The following TMEM87B variants were observed in gnomAD, a reference collection of about 807,000 sequenced individuals.
TMEM87B encodes the protein transmembrane protein 87B.
In TMEM87B, 83 loss-of-function variants were observed where a neutral mutation model predicts 80.3. The ratio of observed to expected loss-of-function variants is 1.03; its 90% CI spans 0.87 to 1.24. The LOEUF is 1.24. Among genes scored for constraint, TMEM87B ranks in the 50% most tolerant of loss-of-function variants. The probability of loss-of-function intolerance (pLI) is 0.00; values close to 1 mark genes in which losing one functional copy is unlikely to be tolerated. For missense variants in TMEM87B, 625 were observed against 674.4 expected, an observed-to-expected ratio of 0.93 and a Z score of 0.81; for synonymous variants, 219 against 230.5, an observed-to-expected ratio of 0.95 and a Z score of 0.45.
intron 2 of TMEM87B, 42 bp downstream of exon 2, chr2:112,060,079 G>T (rs746455375): frequency 6.9e-7 from 1 of 1,459,760 alleles, no homozygotes; most frequent in South Asian, 1.3e-5. Flanking sequence ...TGGGCGCAAT[G>T]GCTCACGCCT....
In TMEM87B at chr2:112,080,626, T is replaced by C. The variant is rs561974757; in HGVS notation, c.593-431T>C. Among the ~76,000 whole-genome samples the C allele has an allele frequency of 1.4e-4, 21 of 152,342 alleles. No homozygotes were observed. The South Asian group carries it at 4.3e-3, about 32-fold the overall frequency. ...GTTGTTTGAGCTTATGTATTTTGGA[T>C]ATTAACTCCTTCTTGGATATATGGC... On this transcript the variant is annotated intron_variant, in intron 6 of 18. Transcript: ENST00000283206.
chr2:112,086,004 G>C lies in TMEM87B; in HGVS notation c.839-1G>C. On this transcript the variant is annotated splice_acceptor_variant, in intron 8 of 18. Coordinates refer to ENST00000283206, the MANE Select transcript of TMEM87B (RefSeq NM_032824.3). LOFTEE classifies it high-confidence loss of function. The stretch of plus-strand genomic sequence containing the variant: ...AATTATTTTATTTTTTTCTTCCTCA[G>C]CCCAAGGCTTATTGATATTTGCGGA... The C allele has an allele frequency of 6.2e-7, 1 of 1,613,264 alleles. No homozygotes were observed. Among genetic ancestry groups the C allele is most frequent in the Non-Finnish European group, 8.5e-7 (1 of 1,179,682 alleles).
chr2:112,108,729 C>T (rs770470772), intron 17 of TMEM87B, among the ~76,000 whole-genome samples: 14 of 151,924 alleles, frequency 9.2e-5, no homozygotes, highest in Non-Finnish European at 1.8e-4. Context: ...AATTGTCTGC[C>T]TTCAGGATTT....
rs1680081759 is a variant in TMEM87B, at chr2:112,118,538, A to T, written c.*2395A>T. The stretch of plus-strand genomic sequence containing the variant: ...GAAATTTGCTTAAAAGGGAATTTTC[A>T]TGATTTGATTTAGATTAGTATTTAA... On this transcript the variant is annotated 3_prime_UTR_variant, in exon 19 of 19. Transcript: ENST00000283206. 1 of 152,206 alleles carries T rather than the reference A, an allele frequency of 6.6e-6. No homozygotes were observed. Among genetic ancestry groups the T allele is most frequent in the Non-Finnish European group, 1.5e-5 (1 of 68,030 alleles). 9.4% of individuals were successfully genotyped at this position (152,206 alleles called of 1,614,324 possible).
chr2:112,094,949 A>G (rs1393284296), intron 11 of TMEM87B, among the ~76,000 whole-genome samples: 1 of 151,870 alleles, frequency 6.6e-6, no homozygotes, highest in African/African-American at 2.4e-5. Flanking sequence ...GCAGAACTAA[A>G]TACGTATACA....
intron 15 of TMEM87B, among the ~76,000 whole-genome samples, chr2:112,104,055 C>G (rs1473343557): frequency 6.6e-6 from 1 of 152,102 alleles, no homozygotes; most frequent in Non-Finnish European, 1.5e-5. Flanking sequence ...GAAAAAAAAT[C>G]ATTAGACTTT....
In TMEM87B at chr2:112,077,887, T is replaced by C. The variant is rs2104472045; in HGVS notation, c.592+605T>C. Among the ~76,000 whole-genome samples the C allele has an allele frequency of 2.0e-5, 3 of 152,336 alleles. No individual in the cohort carries two copies. The East Asian group carries it at 5.8e-4, about 29-fold the overall frequency. On this transcript the variant is annotated intron_variant, in intron 6 of 18. Coordinates refer to ENST00000283206, the MANE Select transcript of TMEM87B (RefSeq NM_032824.3). ...ATGCTTTCCCATATTCTAGAATCAC[T>C]TTGGCTGATGTTTTCCATAGTGGGT...
At chr2:112,077,309 C>A in intron 6 of TMEM87B, 27 bp downstream of exon 6, 1 of 1,259,420 alleles carries the variant, frequency 7.9e-7, no homozygotes. Flanking sequence ...TGCATGTTTA[C>A]TGTCTGCATT....
chr2:112,071,871 G>A (rs1470143250), intron 4 of TMEM87B, among the ~76,000 whole-genome samples: 2 of 152,124 alleles, frequency 1.3e-5, no homozygotes, highest in African/African-American at 4.8e-5. Flanking sequence ...GGATGTCAAG[G>A]GTAATGCTTC....
intron 4 of TMEM87B, among the ~76,000 whole-genome samples, chr2:112,072,331 T>C (rs1314177068): frequency 6.6e-6 from 1 of 152,224 alleles, no homozygotes; most frequent in Non-Finnish European, 1.5e-5. Flanking sequence ...CTCAATTTTT[T>C]GGAATAGTTT....
At chr2:112,077,156 A>T in intron 5 of TMEM87B, 36 bp from the exon 6 acceptor site, 3 of 1,242,650 alleles carry the variant, frequency 2.4e-6, no homozygotes, top group Non-Finnish European at 3.4e-6. Context: ...GCAATTTGTT[A>T]AAAATAATGA....
intron 4 of TMEM87B, among the ~76,000 whole-genome samples, chr2:112,073,926 TTC>T (rs1430282255): frequency 6.6e-6 from 1 of 152,226 alleles, no homozygotes; most frequent in African/African-American, 2.4e-5. Context: ...TCTGCTTTTT[TTC>T]TGTTTTCCAT....
At chr2:112,115,644 A>G (rs1680001844) in intron 18 of TMEM87B, among the ~76,000 whole-genome samples, 1 of 152,220 alleles carries the variant, frequency 6.6e-6, no homozygotes, top group South Asian at 2.1e-4. Context: ...TAGATGAGCT[A>G]GGCCTAAGAA....
chr2:112,097,120 A>C lies in TMEM87B; in HGVS notation c.1181A>C (p.His394Pro). 6.2e-7 allele frequency: 1 copy of C among 1,609,332 alleles called. No individual in the cohort carries two copies. Among genetic ancestry groups the C allele is most frequent in the Non-Finnish European group, 8.5e-7 (1 of 1,178,470 alleles). The change falls in exon 12 of 19, where the codon CAT becomes CCT. Residue 394 changes from histidine to proline, a missense_variant. Transcript: ENST00000283206. ...KNTVKFSLYR[H>P]FKNTLIFAVL... ...ACTGTGAAATTTTCATTATATAGACATTTTAAAAATACTCTGATCTTTGCT... is the reference window on the plus strand; with the variant it reads ...ACTGTGAAATTTTCATTATATAGACCTTTTAAAAATACTCTGATCTTTGCT...
intron 13 of TMEM87B, among the ~76,000 whole-genome samples, chr2:112,097,858 C>T (rs1266622321): frequency 6.6e-6 from 1 of 151,792 alleles, no homozygotes; most frequent in African/African-American, 2.4e-5. Flanking sequence ...TATACCCTAA[C>T]AGGAAATCCT....
intron 3 of TMEM87B, among the ~76,000 whole-genome samples, chr2:112,065,250 A>G (rs753684355): frequency 3.9e-5 from 6 of 152,212 alleles, no homozygotes; most frequent in African/African-American, 7.2e-5. Context: ...AAATACTTCA[A>G]TGTAAATTTC....
At chr2:112,057,682 C>G (rs930587761) in intron 1 of TMEM87B, among the ~76,000 whole-genome samples, 1 of 152,182 alleles carries the variant, frequency 6.6e-6, no homozygotes, top group African/African-American at 2.4e-5. Flanking sequence ...TTAGCCACAG[C>G]CCCTTCTCCC....
chr2:112,066,688 A>G (rs945021147), intron 3 of TMEM87B, among the ~76,000 whole-genome samples: 4 of 152,192 alleles, frequency 2.6e-5, no homozygotes, highest in African/African-American at 9.6e-5. Flanking sequence ...CAGTTTTCTT[A>G]TTGTAAGTGT....
chr2:112,113,336 A>G (rs1246801079), intron 18 of TMEM87B, among the ~76,000 whole-genome samples: 1 of 152,230 alleles, frequency 6.6e-6, no homozygotes, highest in East Asian at 1.9e-4. Context: ...TTAGCTGTGG[A>G]TCACTTGGAC....
Sources: allele counts gnomAD v4.1 joint callset (sites outside exome capture counted in the v4.1 genomes callset), GRCh38; gene constraint gnomAD v4.1.1; transcripts MANE v1.5; gene names NCBI Gene and HGNC (gene_info 2026-07-23, HGNC 2026-07-21).